BLTP3B: variants seen among roughly 807,000 people sequenced by gnomAD.
The protein encoded by BLTP3B is bridge-like lipid transfer protein family member 3B, also known as UHRF1 (ICBP90) binding protein 1-like.
chr12:100,095,017 C>A, the BLTP3B span, among the ~76,000 whole-genome samples: 1 of 152,082 alleles, frequency 6.6e-6, no homozygotes, highest in Admixed American at 6.6e-5. Flanking sequence ...TATAAAAATT[C>A]ATTTATACTT....
the BLTP3B span, among the ~76,000 whole-genome samples, chr12:100,133,060 G>A: frequency 3.3e-5 from 5 of 152,182 alleles, no homozygotes; most frequent in East Asian, 3.9e-4. Context: ...TGGCTAACAC[G>A]GTGAAACCCT....
At chr12:100,037,970 T>C in the BLTP3B span, among the ~76,000 whole-genome samples, 6 of 152,172 alleles carry the variant, frequency 3.9e-5, no homozygotes, top group Non-Finnish European at 7.3e-5. Context: ...CAATACAAAA[T>C]ACTAACTCCT....
chr12:100,074,513 C>T, the BLTP3B span, among the ~76,000 whole-genome samples: 3 of 151,466 alleles, frequency 2.0e-5, no homozygotes, highest in Admixed American at 6.6e-5. Flanking sequence ...GCATAAAAAT[C>T]GCTTGAACTC....
At chr12:100,089,659 A>T in the BLTP3B span, among the ~76,000 whole-genome samples, 1 of 152,280 alleles carries the variant, frequency 6.6e-6, no homozygotes, top group Admixed American at 6.5e-5. Flanking sequence ...ATCTGAAGTT[A>T]TATTTAACAT....
At chr12:100,057,738 G>A in the BLTP3B span, 23 of 1,599,804 alleles carry the variant, frequency 1.4e-5, no homozygotes, top group Non-Finnish European at 1.8e-5. Flanking sequence ...ACGTTCCTTA[G>A]GCTTTCCACT....
chr12:100,136,939 G>A, the BLTP3B span, among the ~76,000 whole-genome samples: 5 of 152,018 alleles, frequency 3.3e-5, no homozygotes, highest in Non-Finnish European at 7.4e-5. Context: ...AGCCTCCCGA[G>A]TAGCTGGGAT....
the BLTP3B span, among the ~76,000 whole-genome samples, chr12:100,083,787 C>T: frequency 6.6e-6 from 1 of 151,346 alleles, no homozygotes; most frequent in African/African-American, 2.4e-5. Flanking sequence ...TAGAAAAATT[C>T]TTCCTGGGTG....
chr12:100,079,706 A>G, the BLTP3B span, among the ~76,000 whole-genome samples: 2 of 152,230 alleles, frequency 1.3e-5, no homozygotes, highest in African/African-American at 4.8e-5. Flanking sequence ...TTAATCCCCA[A>G]GACAATGGGG....
chr12:100,139,785 A>G, the BLTP3B span, among the ~76,000 whole-genome samples: 2 of 152,256 alleles, frequency 1.3e-5, no homozygotes, highest in Non-Finnish European at 2.9e-5. Flanking sequence ...TAGAGTCTAC[A>G]TTTAAGTGGA....
At chr12:100,041,765 T>C in the BLTP3B span, among the ~76,000 whole-genome samples, 9 of 152,136 alleles carry the variant, frequency 5.9e-5, no homozygotes, top group Admixed American at 5.9e-4. Context: ...AACATTGTTT[T>C]AGAGGTTCTA....
At chr12:100,097,552 A>G in the BLTP3B span, 1 of 1,525,368 alleles carries the variant, frequency 6.6e-7, no homozygotes, top group African/African-American at 1.4e-5. Context: ...GCAAAACAGA[A>G]TGAGAAAAAT....
At chr12:100,134,517 T>A in the BLTP3B span, among the ~76,000 whole-genome samples, 1 of 151,854 alleles carries the variant, frequency 6.6e-6, no homozygotes, top group Non-Finnish European at 1.5e-5. Flanking sequence ...CTCGGGAGGC[T>A]GAGGCAGGAG....
At chr12:100,114,218 T>A in the BLTP3B span, among the ~76,000 whole-genome samples, 2 of 152,196 alleles carry the variant, frequency 1.3e-5, no homozygotes, top group Non-Finnish European at 2.9e-5. Context: ...ATCTAAGATT[T>A]TTTTAACATA....
the BLTP3B span, among the ~76,000 whole-genome samples, chr12:100,142,116 C>G: frequency 6.6e-6 from 1 of 152,210 alleles, no homozygotes; most frequent in Non-Finnish European, 1.5e-5. Flanking sequence ...TAACGTTCCA[C>G]TGAGAACACA....
the BLTP3B span, chr12:100,086,448 C>G: frequency 4.1e-6 from 3 of 737,530 alleles, no homozygotes; most frequent in Middle Eastern, 8.9e-4. Flanking sequence ...TACTTGGAGT[C>G]CAAATAGTAA....
the BLTP3B span, among the ~76,000 whole-genome samples, chr12:100,089,591 C>CA: frequency 5.3e-5 from 8 of 151,838 alleles, no homozygotes; most frequent in Non-Finnish European, 1.2e-4. Context: ...AAAAAACAAA[C>CA]AAAAAAACTG....
chr12:100,095,040 T>C, the BLTP3B span, among the ~76,000 whole-genome samples: 35 of 152,332 alleles, frequency 2.3e-4, no homozygotes, highest in African/African-American at 7.7e-4. Flanking sequence ...CATAAAATTA[T>C]TTAAAATATT....
chr12:100,097,229 C>T, the BLTP3B span: 3 of 793,338 alleles, frequency 3.8e-6, no homozygotes, highest in Admixed American at 7.1e-5. Context: ...TTTTAATATG[C>T]CACTGGTAAT....
the BLTP3B span, among the ~76,000 whole-genome samples, chr12:100,125,803 T>C: frequency 6.6e-5 from 10 of 152,232 alleles, no homozygotes; most frequent in African/African-American, 2.4e-4. Context: ...ATAGTTACTG[T>C]TTTTCAAGAA....
Sources: gnomAD v4.1 joint callset for allele counts (sites outside exome capture counted in the v4.1 genomes callset) on GRCh38, gnomAD v4.1.1 for gene constraint, MANE v1.5 for transcripts, NCBI Gene and HGNC (gene_info 2026-07-23, HGNC 2026-07-21) for gene names.